Variants in ERMARD observed in about 807,000 individuals in gnomAD.
ERMARD encodes the protein ER membrane associated RNA degradation.
A neutral mutation model predicts 83.9 loss-of-function variants in ERMARD; 71 were observed. The ratio of observed to expected loss-of-function variants is 0.85; its 90% confidence interval spans 0.70 to 1.03. The LOEUF is 1.03. Ranked by LOEUF, ERMARD falls within the 50% of genes least tolerant of loss-of-function variation. The pLI, the probability that ERMARD is intolerant of heterozygous loss-of-function variation, is 0.00. For synonymous variants in ERMARD, 284 were observed against 298.6 expected, an observed-to-expected ratio of 0.95 and a Z score of 0.50; for missense variants, 838 against 810.9, an observed-to-expected ratio of 1.03 and a Z score of -0.41.
Position 169,756,361 on chromosome 6 carries a change from C to T in ERMARD, c.339C>T (p.Ala113=), listed in dbSNP as rs750132665. The change falls in exon 4 of 18, where the codon GCC becomes GCT. Residue 113 remains alanine, a synonymous_variant. Coordinates refer to ENST00000366773, the MANE Select transcript of ERMARD (RefSeq NM_018341.3). ...FPELFPEIFD[A]LESLQSPAIS... ...AGTTATTTCCTGAAATATTTGATGC[C>T]TTGGAAAGTCTACAATCTCCTGCTA... The T allele has an allele frequency of 1.4e-5, 22 of 1,608,896 alleles. No homozygotes were observed. In the South Asian group the frequency reaches 1.8e-4, roughly 13 times the overall value.
At chr6:169,755,689 C>A in intron 3 of ERMARD, 1 of 383,398 alleles carries the variant, frequency 2.6e-6, no homozygotes, top group Non-Finnish European at 4.7e-6. Context: ...GGTGCCCATC[C>A]AAGGATAGAG....
At chr6:169,755,252 G>C in intron 2 of ERMARD, 31 bp from the exon 3 acceptor site, 1 of 1,608,240 alleles carries the variant, frequency 6.2e-7, no homozygotes, top group Non-Finnish European at 8.5e-7. Context: ...ATGGAGCTAT[G>C]GTGCTGAAAT....
Position 169,756,820 on chromosome 6 carries a change from C to G in ERMARD, c.507+12C>G. On this transcript the variant is annotated intron_variant, in intron 5 of 17. Transcript: ENST00000366773. Reference sequence around the variant, plus strand: ...TCAGTCAGTCTGTGGTAAGCTTGTTCATCTAAACTCATGGAGTATATTAGT... The same window carrying G: ...TCAGTCAGTCTGTGGTAAGCTTGTTGATCTAAACTCATGGAGTATATTAGT... 6.2e-7 allele frequency: 1 copy of G among 1,610,354 alleles called. No homozygotes were observed. The highest frequency in any genetic ancestry group is 8.5e-7 in the Non-Finnish European group (1 of 1,176,970).
At chr6:169,760,581 G>C in intron 7 of ERMARD, 61 bp from the exon 8 acceptor site, 1 of 1,244,818 alleles carries the variant, frequency 8.0e-7, no homozygotes, top group South Asian at 1.4e-5. Context: ...CCCCCAGCAT[G>C]TTTCCATCTT....
In ERMARD at chr6:169,773,380, C is replaced by G. The variant is rs375856725; in HGVS notation, c.1295C>G (p.Pro432Arg). ...GAAGGCTATAGTTCTCGCTGTCATCCGGTTTTTCAGCTTAAAAAACAGGTA... is the reference window on the plus strand; with the variant it reads ...GAAGGCTATAGTTCTCGCTGTCATCGGGTTTTTCAGCTTAAAAAACAGGTA... ...LAEGYSSRCH[P>R]VFQLKKQVLS... The change falls in exon 13 of 18, where the codon CCG becomes CGG. Residue 432 changes from proline (P) to arginine (R), a missense_variant. Transcript: ENST00000366773. The G allele has an allele frequency of 6.2e-7, 1 of 1,614,074 alleles. No homozygotes were observed. Among genetic ancestry groups the G allele is most frequent in the Non-Finnish European group, 8.5e-7 (1 of 1,179,980 alleles).
At chr6:169,777,762 C>G (rs1266742111) in intron 16 of ERMARD, among the ~76,000 whole-genome samples, 2 of 152,096 alleles carry the variant, frequency 1.3e-5, no homozygotes, top group East Asian at 1.9e-4. Flanking sequence ...CAAGACCTCC[C>G]CAGGCCCGCC....
intron 6 of ERMARD, 41 bp from the exon 7 acceptor site, chr6:169,759,797 T>C (rs754223683): frequency 1.3e-6 from 2 of 1,552,194 alleles, no homozygotes; most frequent in African/African-American, 1.4e-5. Context: ...ATAGGCATGA[T>C]TGAGTACATT....
intron 5 of ERMARD, among the ~76,000 whole-genome samples, chr6:169,757,194 G>A (rs1790925024): frequency 6.6e-6 from 1 of 152,120 alleles, no homozygotes; most frequent in African/African-American, 2.4e-5. Flanking sequence ...CCATATCACG[G>A]AGTAAGTGCA....
intron 5 of ERMARD, among the ~76,000 whole-genome samples, chr6:169,758,687 G>A (rs186279676): frequency 2.4e-4 from 37 of 152,258 alleles, no homozygotes; most frequent in Non-Finnish European, 5.0e-4. Context: ...TGAGACCTTG[G>A]TTTCACCTTT....
chr6:169,751,391 G>C, upstream of ERMARD: 1 of 1,614,174 alleles, frequency 6.2e-7, no homozygotes, highest in Non-Finnish European at 8.5e-7. Context: ...CGTCACCGGA[G>C]CCTGCTGAGG....
chr6:169,776,771 C>G, intron 16 of ERMARD, 98 bp downstream of exon 16: 1 of 1,366,278 alleles, frequency 7.3e-7, no homozygotes, highest in Non-Finnish European at 1.0e-6. Flanking sequence ...ACAGTAGCCC[C>G]TCACTGAACC....
intron 13 of ERMARD, among the ~76,000 whole-genome samples, chr6:169,774,642 T>TACC (rs1480707808): frequency 3.3e-5 from 5 of 152,208 alleles, no homozygotes; most frequent in Non-Finnish European, 5.9e-5. Flanking sequence ...CTGCTGTTGA[T>TACC]ACCACCCACG....
At chr6:169,775,125 C>T (rs1793428061) in intron 13 of ERMARD, 145 bp from the exon 14 acceptor site, 3 of 830,738 alleles carry the variant, frequency 3.6e-6, no homozygotes, top group Non-Finnish European at 5.6e-6. Flanking sequence ...TACTGAAGAA[C>T]TGACACCCAC....
chr6:169,773,370 C>T lies in ERMARD; in HGVS notation c.1285C>T (p.Arg429Cys), dbSNP rs1016642000. The T allele has an allele frequency of 1.1e-5, 18 of 1,614,026 alleles. No homozygotes were observed. The highest frequency in any genetic ancestry group is 1.6e-4 in the Middle Eastern group (1 of 6,084). ...TAGTCTTGCAGAAGGCTATAGTTCT[C>T]GCTGTCATCCGGTTTTTCAGCTTAA... is the stretch of plus-strand genomic sequence containing the variant. ...LISLAEGYSS[R>C]CHPVFQLKKQ... The change falls in exon 13 of 18, where the codon CGC becomes TGC. Residue 429 changes from arginine (R) to cysteine (C), a missense_variant. By Grantham distance (180) the Arg-to-Cys change is radical (BLOSUM62 -3). Coordinates refer to ENST00000366773, the MANE Select transcript of ERMARD (RefSeq NM_018341.3).
chr6:169,756,053 G>T (rs548000539), intron 3 of ERMARD, among the ~76,000 whole-genome samples: 7 of 152,292 alleles, frequency 4.6e-5, no homozygotes, highest in African/African-American at 1.7e-4. Context: ...ATCAAAAGGA[G>T]AAACATGATG....
At chr6:169,776,753 A>C in intron 16 of ERMARD, 80 bp downstream of exon 16, 1 of 1,483,034 alleles carries the variant, frequency 6.7e-7, no homozygotes, top group Non-Finnish European at 9.2e-7. Context: ...CCTCACTTCC[A>C]GACACACACA....
At chr6:169,758,471 A>G (rs1791098482) in intron 5 of ERMARD, among the ~76,000 whole-genome samples, 3 of 152,256 alleles carry the variant, frequency 2.0e-5, no homozygotes, top group Admixed American at 2.0e-4. Context: ...TGGAGGCTCA[A>G]GCCTGGAGCC....
chr6:169,772,220 C>T (rs6937197), intron 12 of ERMARD, among the ~76,000 whole-genome samples: 28,238 of 152,112 alleles, frequency 0.19, 3,181 homozygotes, highest in African/African-American at 0.33. Context: ...TCCTTCTCCT[C>T]GGAAGCCCTC....
chr6:169,760,583 T>G, intron 7 of ERMARD, 59 bp from the exon 8 acceptor site: 1 of 1,258,944 alleles, frequency 7.9e-7, no homozygotes, highest in South Asian at 1.4e-5. Flanking sequence ...CCCAGCATGT[T>G]TCCATCTTTT....
Sources: gnomAD v4.1 joint callset for allele counts (sites outside exome capture counted in the v4.1 genomes callset) on GRCh38, gnomAD v4.1.1 for gene constraint, MANE v1.5 for transcripts, NCBI Gene and HGNC (gene_info 2026-07-23, HGNC 2026-07-21) for gene names.